Variants in METTL2A observed in about 807,000 individuals in gnomAD.
The protein encoded by METTL2A is methyltransferase 2A, tRNA N3-cytidine.
A neutral mutation model predicts 49.4 loss-of-function variants in METTL2A; 45 were observed. The observed-to-expected ratio is 0.91, with a 90% CI of 0.72 to 1.17. The LOEUF is 1.17. Ranked by LOEUF, METTL2A falls within the 50% of genes most tolerant of loss-of-function variation. METTL2A has a pLI of 0.00. For missense variants in METTL2A, 361 were observed against 462.2 expected, an observed-to-expected ratio of 0.78 and a Z score of 2.01; for synonymous variants, 118 against 167.5, an observed-to-expected ratio of 0.70 and a Z score of 2.28.
chr17:62,435,403 G>A, intron 5 of METTL2A, 111 bp downstream of exon 5: 3 of 1,477,794 alleles, frequency 2.0e-6, no homozygotes, highest in Non-Finnish European at 2.8e-6. Context: ...TGTTCTTACG[G>A]TCTAAAAGTA....
intron 6 of METTL2A, among the ~76,000 whole-genome samples, chr17:62,443,120 C>G (rs2070747749): frequency 6.6e-6 from 1 of 152,198 alleles, no homozygotes; most frequent in Non-Finnish European, 1.5e-5. Context: ...CGCCTATAAT[C>G]CCACCACTTT....
intron 5 of METTL2A, among the ~76,000 whole-genome samples, chr17:62,438,427 CA>C (rs1195064480): frequency 7.1e-6 from 1 of 140,994 alleles, no homozygotes; most frequent in African/African-American, 2.6e-5. Flanking sequence ...AAAAAAAATA[CA>C]AAAACTGGCA....
At position 62,450,101 on chromosome 17, in the gene METTL2A, A is replaced by C. The variant is rs914056633; in HGVS notation, c.*1372A>C. 6.6e-6 allele frequency: 1 copy of C among 152,120 alleles called. No individual in the cohort carries two copies. Among genetic ancestry groups the C allele is most frequent in the African/African-American group, 2.4e-5 (1 of 41,426 alleles). The allele number at this position is 152,120 out of a possible 1,614,324, so 9.4% of individuals were successfully genotyped here. On this transcript the variant is annotated 3_prime_UTR_variant, in exon 9 of 9. Transcript: ENST00000311506. ...AGAGGAAGACTCCGTCTCAAAAAAA[A>C]AAAAGAAAAGAATTTTCACTTTTTG...
At position 62,429,176 on chromosome 17, in the gene METTL2A, G is replaced by A. The variant is rs59215066; in HGVS notation, c.608+1339G>A. 8.6e-3 allele frequency among the ~76,000 whole-genome samples: 1,306 copies of A among 152,266 alleles called. 16 individuals are homozygous for A. Among genetic ancestry groups the A allele is most frequent in the African/African-American group, 0.03 (1,262 of 41,522 alleles). On this transcript the variant is annotated intron_variant, in intron 4 of 8. Transcript: ENST00000311506. ...AAATAGTTTTCATACAACATAATCT[G>A]CATTTCTATTCAGGACATTGGTGGG...
At chr17:62,432,408 C>G (rs1273339590) in intron 4 of METTL2A, among the ~76,000 whole-genome samples, 1 of 152,162 alleles carries the variant, frequency 6.6e-6, no homozygotes. Context: ...GTGGCCCATG[C>G]CTATAATCCC....
At chr17:62,432,647 A>G (rs2070673444) in intron 4 of METTL2A, among the ~76,000 whole-genome samples, 1 of 152,112 alleles carries the variant, frequency 6.6e-6, no homozygotes, top group African/African-American at 2.4e-5. Flanking sequence ...AAAATACAAA[A>G]AAAAATTAGC....
At chr17:62,427,678 C>T (rs995742440) in intron 3 of METTL2A, 110 bp from the exon 4 acceptor site, 15 of 1,524,450 alleles carry the variant, frequency 9.8e-6, no homozygotes, top group Non-Finnish European at 1.2e-5. Context: ...CTACACCTTC[C>T]CTAATACAGT....
chr17:62,448,737 C>G lies in METTL2A; in HGVS notation c.*8C>G, dbSNP rs767198170. On this transcript the variant is annotated 3_prime_UTR_variant, in exon 9 of 9. Transcript: ENST00000311506. ...CTGTCCAGCACCAGCTGAGAGGCAC[C>G]TGCTGCCAACACGATGCAAGCCCAT... The G allele has an allele frequency of 6.2e-7, 1 of 1,613,560 alleles. No homozygotes were observed.
intron 2 of METTL2A, among the ~76,000 whole-genome samples, chr17:62,425,343 A>G (rs1283982105): frequency 6.8e-6 from 1 of 147,230 alleles, no homozygotes; most frequent in African/African-American, 2.5e-5. Context: ...GAAATCTGGG[A>G]CTGTCATGAT....
At chr17:62,438,128 C>T (rs1314444894) in intron 5 of METTL2A, among the ~76,000 whole-genome samples, 4 of 150,784 alleles carry the variant, frequency 2.7e-5, no homozygotes, top group African/African-American at 4.9e-5. Flanking sequence ...AAAACTAGGC[C>T]GGGTGCAGTG....
intron 7 of METTL2A, among the ~76,000 whole-genome samples, chr17:62,446,665 A>G (rs1598038051): frequency 6.6e-6 from 1 of 151,998 alleles, no homozygotes; most frequent in East Asian, 1.9e-4. Context: ...ATTTTTTTTG[A>G]ATATAGTCAA....
chr17:62,431,657 T>C (rs950514362), intron 4 of METTL2A, among the ~76,000 whole-genome samples: 1 of 152,216 alleles, frequency 6.6e-6, no homozygotes, highest in African/African-American at 2.4e-5. Context: ...TTTTTATATA[T>C]AGCAGCTTTA....
Position 62,426,231 on chromosome 17 carries a change from A to G in METTL2A, c.203-68A>G. 2.8e-6 allele frequency: 4 copies of G among 1,427,040 alleles called. No individual in the cohort carries two copies. In the South Asian group the frequency reaches 4.1e-5, roughly 15 times the overall value. 88.4% of individuals were successfully genotyped at this position (1,427,040 alleles called of 1,614,324 possible). ...AAAGTGACATTTGGTAAAGCAGGAT[A>G]ATTGATATTAGATATAAATAAAACA... is the stretch of plus-strand genomic sequence containing the variant. On this transcript the variant is annotated intron_variant, in intron 2 of 8. Coordinates refer to ENST00000311506, the MANE Select transcript of METTL2A (RefSeq NM_181725.4).
chr17:62,443,454 A>C (rs2070749574), intron 6 of METTL2A, among the ~76,000 whole-genome samples: 1 of 152,192 alleles, frequency 6.6e-6, no homozygotes. Context: ...CAAATTATTA[A>C]AATTTAAAAT....
chr17:62,444,864 C>T lies in METTL2A; in HGVS notation c.837C>T (p.Ser279=). ...TGCAGAAGGCTATCAACAGGCTGAGCAGGCTTCTGAAACCTGGCGGGATGA... is the reference window on the plus strand; with the variant it reads ...TGCAGAAGGCTATCAACAGGCTGAGTAGGCTTCTGAAACCTGGCGGGATGA... ...DKMQKAINRL[S]RLLKPGGMML... The change falls in exon 7 of 9, where the codon AGC becomes AGT. Residue 279 remains serine (S), a synonymous_variant. Transcript: ENST00000311506. 1 of 1,613,902 alleles carries T rather than the reference C, an allele frequency of 6.2e-7. No homozygotes were observed. Among genetic ancestry groups the T allele is most frequent in the Non-Finnish European group, 8.5e-7 (1 of 1,179,884 alleles).
At chr17:62,441,232 C>T (rs969762184) in intron 6 of METTL2A, among the ~76,000 whole-genome samples, 5 of 152,194 alleles carry the variant, frequency 3.3e-5, no homozygotes, top group Admixed American at 3.3e-4. Context: ...CTAAATTTGT[C>T]TTGATGTCCA....
intron 2 of METTL2A, 130 bp from the exon 3 acceptor site, chr17:62,426,169 T>A: frequency 1.2e-6 from 1 of 818,286 alleles, no homozygotes. Flanking sequence ...CCTTCAGTTC[T>A]GGGACTGTGG....
At chr17:62,439,916 C>T (rs2070727328) in intron 5 of METTL2A, among the ~76,000 whole-genome samples, 1 of 152,112 alleles carries the variant, frequency 6.6e-6, no homozygotes, top group Non-Finnish European at 1.5e-5. Context: ...TATTAGATTC[C>T]TCACTGTCTC....
Position 62,444,948 on chromosome 17 carries a change from T to C in METTL2A, c.916+5T>C. On this transcript the variant is annotated splice_donor_5th_base_variant and intron_variant, in intron 7 of 8. Transcript: ENST00000311506. ...CTCAGCTTCGGTTTAAAAAAGGTATTTTGAAAGTGCTGAATCCTAACCACT... is the reference window on the plus strand; with the variant it reads ...CTCAGCTTCGGTTTAAAAAAGGTATCTTGAAAGTGCTGAATCCTAACCACT... The C allele has an allele frequency of 6.2e-7, 1 of 1,613,098 alleles. No homozygotes were observed. The highest frequency in any genetic ancestry group is 1.7e-4 in the Middle Eastern group (1 of 6,030).
Sources: gnomAD v4.1 joint callset for allele counts (sites outside exome capture counted in the v4.1 genomes callset) on GRCh38, gnomAD v4.1.1 for gene constraint, MANE v1.5 for transcripts, NCBI Gene and HGNC (gene_info 2026-07-23, HGNC 2026-07-21) for gene names.